The following CDC42BPA variants were observed in gnomAD, a reference collection of about 807,000 sequenced individuals.
CDC42BPA encodes the protein CDC42 binding protein kinase alpha.
A neutral mutation model predicts 223.5 loss-of-function variants in CDC42BPA; 80 were observed. That is an observed-to-expected ratio of 0.36 (90% CI 0.30 to 0.43). CDC42BPA has a LOEUF of 0.43. Among genes scored for constraint, CDC42BPA ranks in the 20% least tolerant of loss-of-function variants. The pLI is 1.00. For missense variants in CDC42BPA, 1,743 were observed against 2,099.9 expected, an observed-to-expected ratio of 0.83 and a Z score of 3.32; for synonymous variants, 694 against 718.6, an observed-to-expected ratio of 0.97 and a Z score of 0.55.
At chr1:227,278,558 T>C (rs1378587303) in intron 1 of CDC42BPA, among the ~76,000 whole-genome samples, 1 of 152,210 alleles carries the variant, frequency 6.6e-6, no homozygotes, top group Non-Finnish European at 1.5e-5. Context: ...GGGATCAAGT[T>C]ATTGGGATTA....
intron 6 of CDC42BPA, among the ~76,000 whole-genome samples, chr1:227,150,156 T>A (rs12142938): frequency 6.6e-6 from 1 of 150,646 alleles, no homozygotes; most frequent in African/African-American, 2.4e-5. Flanking sequence ...CCTGGGAAGT[T>A]GAGGTTGCAG....
At chr1:227,118,235 G>A (rs1213071826) in intron 12 of CDC42BPA, among the ~76,000 whole-genome samples, 1 of 152,138 alleles carries the variant, frequency 6.6e-6, no homozygotes, top group Non-Finnish European at 1.5e-5. Flanking sequence ...TCAAAAAATG[G>A]GCAAAGGACC....
At chr1:227,246,090 G>A (rs1364203093) in intron 2 of CDC42BPA, among the ~76,000 whole-genome samples, 3 of 152,052 alleles carry the variant, frequency 2.0e-5, no homozygotes, top group Non-Finnish European at 2.9e-5. Context: ...GGGTGAGTCC[G>A]AGGCCTGGCA....
At chr1:227,289,888 C>CAA (rs10629910) in intron 1 of CDC42BPA, among the ~76,000 whole-genome samples, 44,424 of 120,872 alleles carry the variant, frequency 0.37, 8,895 homozygotes, top group South Asian at 0.46. Flanking sequence ...CCTGTCTCTA[C>CAA]AAAAAAAAAA....
intron 1 of CDC42BPA, among the ~76,000 whole-genome samples, chr1:227,282,946 TG>T (rs1688234167): frequency 6.6e-6 from 1 of 152,232 alleles, no homozygotes; most frequent in Admixed American, 6.5e-5. Context: ...TGTATGTACT[TG>T]ATGTCACTGA....
chr1:227,113,800 C>A (rs1272497710), intron 12 of CDC42BPA, among the ~76,000 whole-genome samples: 1 of 150,662 alleles, frequency 6.6e-6, no homozygotes, highest in African/African-American at 2.4e-5. Flanking sequence ...ATTGCTTGAG[C>A]CAAGGAGTTC....
intron 20 of CDC42BPA, among the ~76,000 whole-genome samples, chr1:227,071,172 C>T (rs1318058712): frequency 6.6e-6 from 1 of 151,796 alleles, no homozygotes; most frequent in East Asian, 1.9e-4. Flanking sequence ...TTTGTAAAGG[C>T]TTTTTCTTGT....
At chr1:226,996,167 C>A (rs1661561374) in intron 35 of CDC42BPA, among the ~76,000 whole-genome samples, 1 of 152,232 alleles carries the variant, frequency 6.6e-6, no homozygotes, top group Admixed American at 6.5e-5. Flanking sequence ...GACACTGGAA[C>A]TGACTGACTG....
rs975307005 is a variant in CDC42BPA at position 226,993,027 on chromosome 1, T to A, written c.*1241A>T. On this transcript the variant is annotated 3_prime_UTR_variant, in exon 37 of 37. Coordinates refer to ENST00000366766, the MANE Select transcript of CDC42BPA (RefSeq NM_001394014.1). ...GTTGAAGCCCTTGCTTTTGAGGTTT[T>A]ACATTATTTGGTAATGAAAGCCGTT... 1.3e-5 allele frequency: 2 copies of A among 152,244 alleles called. No homozygotes were observed. The highest frequency in any genetic ancestry group is 2.9e-5 in the Non-Finnish European group (2 of 68,062). 9.4% of individuals were successfully genotyped at this position (152,244 alleles called of 1,614,324 possible).
Position 227,168,652 on chromosome 1 carries a change from C to T in CDC42BPA, c.600-8016G>A, listed in dbSNP as rs140274467. Among the ~76,000 whole-genome samples, 1,002 of 151,892 alleles carry T rather than the reference C, an allele frequency of 6.6e-3. 26 individuals carry two copies. Among genetic ancestry groups the T allele is most frequent in the Admixed American group, 0.041 (621 of 15,270 alleles). Reference sequence around the variant, plus strand: ...CTGGGACTACAGGCGCCTGCCACCACGTCCGGCTAATTTTTTTTGTATTTT... The same window carrying T: ...CTGGGACTACAGGCGCCTGCCACCATGTCCGGCTAATTTTTTTTGTATTTT... On this transcript the variant is annotated intron_variant, in intron 5 of 36. Coordinates refer to ENST00000366766, the MANE Select transcript of CDC42BPA (RefSeq NM_001394014.1).
At chr1:227,141,617 G>C (rs1348283658) in intron 9 of CDC42BPA, among the ~76,000 whole-genome samples, 1 of 152,170 alleles carries the variant, frequency 6.6e-6, no homozygotes, top group African/African-American at 2.4e-5. Flanking sequence ...GATGCAAGCT[G>C]AAAGTGAGGA....
chr1:227,122,960 T>C (rs952474533), intron 11 of CDC42BPA, among the ~76,000 whole-genome samples: 2 of 152,190 alleles, frequency 1.3e-5, no homozygotes, highest in Non-Finnish European at 2.9e-5. Flanking sequence ...CAATTAGCCA[T>C]GACATTTAGA....
chr1:227,109,392 G>A (rs1222928667), intron 14 of CDC42BPA, among the ~76,000 whole-genome samples: 1 of 151,692 alleles, frequency 6.6e-6, no homozygotes, highest in Non-Finnish European at 1.5e-5. Context: ...TTGAGACAGA[G>A]TCTCACTCTG....
intron 35 of CDC42BPA, among the ~76,000 whole-genome samples, chr1:227,000,859 CA>C (rs1167068606): frequency 6.6e-6 from 1 of 151,080 alleles, no homozygotes; most frequent in African/African-American, 2.4e-5. Context: ...GATTGAACAG[CA>C]AAAGGAGCCT....
At chr1:227,058,259 C>T (rs1296805731) in intron 21 of CDC42BPA, among the ~76,000 whole-genome samples, 1 of 152,010 alleles carries the variant, frequency 6.6e-6, no homozygotes. Context: ...AGCTGTAATC[C>T]GAAAATATTA....
In CDC42BPA at chr1:227,059,734, G is replaced by A. The variant is rs145944159; in HGVS notation, c.2905-7749C>T. Among the ~76,000 whole-genome samples, 27 of 152,234 alleles carry A rather than the reference G, an allele frequency of 1.8e-4. 1 individual carries two copies. In the East Asian group the frequency reaches 2.7e-3, roughly 15 times the overall value. Reference sequence around the variant, plus strand: ...GACTGGAACAAATGAGAACAAAAAGGATCTAGATATTTCTGATTTAGTGCT... The same window carrying A: ...GACTGGAACAAATGAGAACAAAAAGAATCTAGATATTTCTGATTTAGTGCT... On this transcript the variant is annotated intron_variant, in intron 21 of 36. Coordinates refer to ENST00000366766, the MANE Select transcript of CDC42BPA (RefSeq NM_001394014.1).
intron 9 of CDC42BPA, 69 bp downstream of exon 9, chr1:227,142,876 C>T: frequency 9.3e-7 from 1 of 1,075,208 alleles, no homozygotes; most frequent in Non-Finnish European, 1.3e-6. Flanking sequence ...TCTTGGCCTC[C>T]CAAAGTGTTG....
rs113833866 is a variant in CDC42BPA, at chr1:227,224,235, CT to C, written c.271-11017del. Among the ~76,000 whole-genome samples, 363 of 141,808 alleles carry C rather than the reference CT, an allele frequency of 2.6e-3. 1 individual carries two copies. Among genetic ancestry groups the C allele is most frequent in the East Asian group, 0.022 (108 of 4,876 alleles). 93.0% of individuals were successfully genotyped at this position (141,808 alleles called of 152,430 possible). A position where few individuals can be genotyped will look rare whatever the true frequency, so the allele number is the denominator to read the frequency against. On this transcript the variant is annotated intron_variant, in intron 2 of 36. Coordinates refer to ENST00000366766, the MANE Select transcript of CDC42BPA (RefSeq NM_001394014.1). ...TGCTTTGCCCAAGTGATGTTTCTTC[CT>C]TTTTTTTTTTTTTTGAGATGGAGTT... is the stretch of plus-strand genomic sequence containing the variant.
intron 23 of CDC42BPA, among the ~76,000 whole-genome samples, chr1:227,047,463 A>G (rs1204738006): frequency 1.3e-5 from 2 of 151,870 alleles, no homozygotes; most frequent in African/African-American, 4.8e-5. Context: ...CAGTTTTCCA[A>G]TTTCTGGAAT....
Sources: gnomAD v4.1 joint callset for allele counts (sites outside exome capture counted in the v4.1 genomes callset) on GRCh38, gnomAD v4.1.1 for gene constraint, MANE v1.5 for transcripts, NCBI Gene and HGNC (gene_info 2026-07-23, HGNC 2026-07-21) for gene names.